Variants in PTPRN2 observed in about 807,000 individuals in gnomAD.
The protein encoded by PTPRN2 is receptor-type tyrosine-protein phosphatase N2.
PTPRN2 carries 74 observed loss-of-function variants against 118.8 expected under a neutral mutation model. The observed-to-expected ratio is 0.62, with a 90% CI of 0.52 to 0.76. PTPRN2 has a LOEUF of 0.76. Ranked by LOEUF, PTPRN2 falls within the 30% of genes least tolerant of loss-of-function variation. The pLI is 0.00. For synonymous variants in PTPRN2, 641 were observed against 608.0 expected (o/e 1.05, Z -0.80); for missense variants, 1,481 against 1,394.4 (o/e 1.06, Z -0.99).
intron 2 of PTPRN2, among the ~76,000 whole-genome samples, chr7:158,484,047 G>A (rs1237768697): frequency 6.6e-6 from 1 of 152,152 alleles, no homozygotes; most frequent in African/African-American, 2.4e-5. Flanking sequence ...GGGAGGCTGA[G>A]GTGAGAGGAT....
chr7:158,347,677 C>G (rs542413560), intron 2 of PTPRN2, among the ~76,000 whole-genome samples: 1 of 151,538 alleles, frequency 6.6e-6, no homozygotes, highest in South Asian at 2.1e-4. Context: ...TGCACTGAAA[C>G]TATAGATTGC....
At chr7:157,655,238 T>C (rs531866110) in intron 14 of PTPRN2, among the ~76,000 whole-genome samples, 2 of 152,190 alleles carry the variant, frequency 1.3e-5, no homozygotes, top group Middle Eastern at 3.2e-3. Flanking sequence ...TTTTAAGTTA[T>C]CCAGGGAGAA....
chr7:157,588,929 A>G lies in PTPRN2; in HGVS notation c.2496+6309T>C, dbSNP rs141483369. ...CTTCATCCTGGGTAGAATTGGGCTC[A>G]CTCTGTATATCTCTATTTTAATTGT... On this transcript the variant is annotated intron_variant, in intron 17 of 22. Transcript: ENST00000389418. Among the ~76,000 whole-genome samples, 403 of 151,894 alleles carry G rather than the reference A, an allele frequency of 2.7e-3. 3 individuals carry two copies. The highest frequency in any genetic ancestry group is 9.3e-3 in the African/African-American group (383 of 41,394).
intron 12 of PTPRN2, among the ~76,000 whole-genome samples, chr7:157,759,208 C>T (rs1261486278): frequency 6.6e-6 from 1 of 152,358 alleles, no homozygotes; most frequent in East Asian, 1.9e-4. Flanking sequence ...CGCAGGCGGT[C>T]GGCATTGTTA....
intron 3 of PTPRN2, among the ~76,000 whole-genome samples, chr7:158,240,100 C>A (rs967206697): frequency 6.6e-6 from 1 of 152,098 alleles, no homozygotes; most frequent in Admixed American, 6.5e-5. Flanking sequence ...GCACTTGGGG[C>A]TTATGTGCAT....
intron 5 of PTPRN2, among the ~76,000 whole-genome samples, chr7:158,186,932 T>C (rs1304400077): frequency 6.6e-6 from 1 of 152,230 alleles, no homozygotes; most frequent in Non-Finnish European, 1.5e-5. Flanking sequence ...CCAAGATAAA[T>C]CAGCTAGTTA....
At chr7:157,850,159 C>T (rs530677056) in intron 12 of PTPRN2, among the ~76,000 whole-genome samples, 6 of 152,338 alleles carry the variant, frequency 3.9e-5, no homozygotes, top group Non-Finnish European at 8.8e-5. Flanking sequence ...CCACCCAACA[C>T]CAGCATTTCC....
intron 3 of PTPRN2, among the ~76,000 whole-genome samples, chr7:158,293,891 C>T (rs1800285258): frequency 6.6e-6 from 1 of 152,226 alleles, no homozygotes; most frequent in African/African-American, 2.4e-5. Context: ...ACATGTGGGG[C>T]CATCATCTCC....
chr7:157,879,273 T>C (rs1795979538), intron 12 of PTPRN2, among the ~76,000 whole-genome samples: 1 of 152,196 alleles, frequency 6.6e-6, no homozygotes, highest in Non-Finnish European at 1.5e-5. Context: ...TCTTGGATTC[T>C]GTGTTTTCAA....
At chr7:158,135,630 C>G (rs549864885) in intron 8 of PTPRN2, among the ~76,000 whole-genome samples, 7 of 152,168 alleles carry the variant, frequency 4.6e-5, no homozygotes, top group South Asian at 2.1e-4. Flanking sequence ...CCCCCCAGAG[C>G]GCTCCCTGCC....
In PTPRN2 at chr7:158,546,709, G is replaced by A. The variant is rs937501195; in HGVS notation, c.112+40849C>T. Among the ~76,000 whole-genome samples, 2 of 152,194 alleles carry A rather than the reference G, an allele frequency of 1.3e-5. No homozygotes were observed. Among genetic ancestry groups the A allele is most frequent in the Admixed American group, 1.3e-4 (2 of 15,284 alleles). ...AGGCAGAGCTGGCCATGCTTGCCTTGGTGAAGACCCCAGCCACCAGCCTGG... is the reference window on the plus strand; with the variant it reads ...AGGCAGAGCTGGCCATGCTTGCCTTAGTGAAGACCCCAGCCACCAGCCTGG... On this transcript the variant is annotated intron_variant, in intron 1 of 22. Coordinates refer to ENST00000389418, the MANE Select transcript of PTPRN2 (RefSeq NM_002847.5). The surrounding 1 kb of genome is among the most constrained non-coding windows in gnomAD (Gnocchi z 5.0).
chr7:157,667,836 G>A (rs1247201361), intron 13 of PTPRN2, among the ~76,000 whole-genome samples: 1 of 152,244 alleles, frequency 6.6e-6, no homozygotes, highest in Non-Finnish European at 1.5e-5. Context: ...GTGAAAAATT[G>A]ATCTTTTTGC....
intron 6 of PTPRN2, among the ~76,000 whole-genome samples, chr7:158,146,844 C>A (rs189964403): frequency 6.6e-6 from 1 of 151,992 alleles, no homozygotes. Context: ...GCCAGAGAGA[C>A]TTGACCAATG....
rs1804867878 is a variant in PTPRN2, at chr7:157,796,349, C to T, written c.1788+102324G>A. Among the ~76,000 whole-genome samples the T allele has an allele frequency of 2.6e-5, 4 of 152,330 alleles. 1 individual carries two copies. In the East Asian group the frequency reaches 7.7e-4, roughly 29 times the overall value. ...ATCTCACATTTTACCGGGATGGTGA[C>T]ATCCCTGTGGGGCCTTGTGGGCTCT... On this transcript the variant is annotated intron_variant, in intron 12 of 22. Coordinates refer to ENST00000389418, the MANE Select transcript of PTPRN2 (RefSeq NM_002847.5).
intron 11 of PTPRN2, among the ~76,000 whole-genome samples, chr7:157,920,751 C>A (rs1217225164): frequency 6.6e-6 from 1 of 152,128 alleles, no homozygotes; most frequent in Non-Finnish European, 1.5e-5. Context: ...AGACATCAAC[C>A]CTATACCCTC....
intron 3 of PTPRN2, among the ~76,000 whole-genome samples, chr7:158,275,070 C>A (rs1023437824): frequency 6.6e-6 from 1 of 152,142 alleles, no homozygotes; most frequent in African/African-American, 2.4e-5. Flanking sequence ...GGTGTTCTTA[C>A]CAGGAAAGAG....
chr7:157,961,532 CAAA>C (rs66472051), intron 11 of PTPRN2, among the ~76,000 whole-genome samples: 1 of 131,032 alleles, frequency 7.6e-6, no homozygotes, highest in Admixed American at 7.7e-5. Context: ...GACTCTGTCT[CAAA>C]AAAAAAAAAA....
At chr7:157,971,926 A>G (rs1489287942) in intron 11 of PTPRN2, among the ~76,000 whole-genome samples, 2 of 152,264 alleles carry the variant, frequency 1.3e-5, no homozygotes, top group Non-Finnish European at 2.9e-5. Context: ...AAGAAAAGAG[A>G]ATAATTCACA....
At chr7:158,300,715 C>T (rs1254447384) in intron 3 of PTPRN2, among the ~76,000 whole-genome samples, 1 of 151,828 alleles carries the variant, frequency 6.6e-6, no homozygotes, top group Non-Finnish European at 1.5e-5. Context: ...AGGGTCCCAC[C>T]CTCTCTCCCA....
Sources: allele counts gnomAD v4.1 joint callset (sites outside exome capture counted in the v4.1 genomes callset), GRCh38; gene constraint gnomAD v4.1.1; non-coding constraint Gnocchi (gnomAD v3.1); transcripts MANE v1.5; gene names NCBI Gene and HGNC (gene_info 2026-07-23, HGNC 2026-07-21).